Variants in SBF2 observed in about 807,000 individuals in gnomAD.
The protein encoded by SBF2 is myotubularin-related protein 13.
A neutral mutation model predicts 225.2 loss-of-function variants in SBF2; 112 were observed. The ratio of observed to expected loss-of-function variants is 0.50; its 90% CI spans 0.43 to 0.58. The LOEUF is 0.58. SBF2 is among the 20% of genes least tolerant of loss of function. SBF2 has a pLI of 0.00. For missense variants in SBF2, 1,996 were observed against 2,206.2 expected (o/e 0.90, Z 1.91); for synonymous variants, 763 against 773.3 (o/e 0.99, Z 0.22).
At chr11:10,132,922 T>C (rs1225430758) in intron 2 of SBF2, among the ~76,000 whole-genome samples, 2 of 148,900 alleles carry the variant, frequency 1.3e-5, no homozygotes, top group Non-Finnish European at 1.5e-5. Context: ...ACACACAGGT[T>C]CTCCAAGGCC....
intron 21 of SBF2, among the ~76,000 whole-genome samples, chr11:9,850,884 C>T (rs1856875231): frequency 6.6e-6 from 1 of 152,070 alleles, no homozygotes; most frequent in East Asian, 1.9e-4. Flanking sequence ...GCCTGTAATC[C>T]CAGCACTTTG....
At chr11:9,986,836 CTA>C (rs1165466708) in intron 13 of SBF2, among the ~76,000 whole-genome samples, 1 of 152,106 alleles carries the variant, frequency 6.6e-6, no homozygotes, top group African/African-American at 2.4e-5. Flanking sequence ...CAGCAGAATT[CTA>C]TCAGACATTC....
intron 2 of SBF2, among the ~76,000 whole-genome samples, chr11:10,098,116 A>C (rs1369696999): frequency 6.6e-6 from 1 of 151,870 alleles, no homozygotes; most frequent in Non-Finnish European, 1.5e-5. Flanking sequence ...CATACCATGC[A>C]CCCCTCTCTC....
chr11:9,921,388 A>G (rs550958579), intron 16 of SBF2, among the ~76,000 whole-genome samples: 9 of 152,218 alleles, frequency 5.9e-5, no homozygotes, highest in Admixed American at 2.6e-4. Flanking sequence ...TTAAATATAC[A>G]AATTCCTGGG....
intron 2 of SBF2, among the ~76,000 whole-genome samples, chr11:10,160,433 G>A (rs957706205): frequency 3.9e-5 from 6 of 152,076 alleles, no homozygotes; most frequent in Non-Finnish European, 8.8e-5. Flanking sequence ...AAAAAGATCT[G>A]GCCAGAGAAG....
At chr11:9,957,489 TTG>T (rs1478293582) in intron 16 of SBF2, 1 of 152,224 alleles carries the variant, frequency 6.6e-6, no homozygotes, top group African/African-American at 2.4e-5. Context: ...AGACAGATTC[TTG>T]CTCTGTCGCC....
At chr11:9,823,516 A>AG (rs1564885208) in intron 28 of SBF2, among the ~76,000 whole-genome samples, 1 of 151,978 alleles carries the variant, frequency 6.6e-6, no homozygotes, top group African/African-American at 2.4e-5. Context: ...AAAAAAAAAA[A>AG]AAGAAGAAGA....
At chr11:10,062,346 T>TA (rs1950481426) in intron 2 of SBF2, among the ~76,000 whole-genome samples, 1 of 152,174 alleles carries the variant, frequency 6.6e-6, no homozygotes, top group Non-Finnish European at 1.5e-5. Context: ...AAATGGGGTC[T>TA]AATTTAACTT....
Position 10,029,747 on chromosome 11 carries a change from T to A in SBF2, c.513+18A>T, listed in dbSNP as rs201201683. On this transcript the variant is annotated intron_variant, in intron 5 of 39. Transcript: ENST00000256190. ...AAGAGGAACAATCCTTCTCCACCTC[T>A]CTTTCTATTCTATTTACCTGAGACC... The A allele has an allele frequency of 3.1e-4, 455 of 1,482,400 alleles. No individual in the cohort carries two copies. The highest frequency in any genetic ancestry group is 4.1e-4 in the Non-Finnish European group (431 of 1,060,156). 91.8% of individuals were successfully genotyped at this position (1,482,400 alleles called of 1,614,324 possible).
intron 33 of SBF2, among the ~76,000 whole-genome samples, chr11:9,794,398 G>T (rs1201724430): frequency 6.6e-6 from 1 of 150,802 alleles, no homozygotes; most frequent in Non-Finnish European, 1.5e-5. Flanking sequence ...GGCCTGGCCA[G>T]GCGTGGTGGC....
In SBF2 at chr11:9,855,591, A is replaced by G. The variant is rs549936786; in HGVS notation, c.2363+867T>C. Among the ~76,000 whole-genome samples, 7 of 152,386 alleles carry G rather than the reference A, an allele frequency of 4.6e-5. No individual in the cohort carries two copies. The East Asian group carries it at 1.2e-3, about 25-fold the overall frequency. On this transcript the variant is annotated intron_variant, in intron 19 of 39. Transcript: ENST00000256190. ...CACTCATTTAATCATCTGTTCAACC[A>G]AATATTTATTGAGTACTATATGCAA...
intron 1 of SBF2, among the ~76,000 whole-genome samples, chr11:10,267,249 C>G (rs925671436): frequency 2.6e-5 from 4 of 151,854 alleles, no homozygotes; most frequent in Non-Finnish European, 5.9e-5. Context: ...GTCCAGATGG[C>G]TATACAAACC....
At chr11:10,179,485 CA>C (rs1956639667) in intron 2 of SBF2, among the ~76,000 whole-genome samples, 2 of 151,856 alleles carry the variant, frequency 1.3e-5, no homozygotes, top group African/African-American at 4.8e-5. Flanking sequence ...CTGAGGAGAA[CA>C]TATATTCTGT....
At chr11:9,852,280 G>A (rs1370324401) in intron 21 of SBF2, among the ~76,000 whole-genome samples, 1 of 152,046 alleles carries the variant, frequency 6.6e-6, no homozygotes, top group Non-Finnish European at 1.5e-5. Flanking sequence ...AGCTGTTTGG[G>A]ATGTATAGTC....
chr11:10,049,269 TG>T (rs1203503818), intron 2 of SBF2, among the ~76,000 whole-genome samples: 1 of 152,216 alleles, frequency 6.6e-6, no homozygotes, highest in African/African-American at 2.4e-5. Context: ...TAACATGGAA[TG>T]GGATTTTGTT....
chr11:9,795,951 T>G lies in SBF2; in HGVS notation c.4450A>C (p.Asn1484His). The G allele has an allele frequency of 6.2e-7, 1 of 1,613,238 alleles. No homozygotes were observed. The change falls in exon 33 of 40, where the codon AAC becomes CAC. Residue 1484 changes from asparagine to histidine, a missense_variant. Coordinates refer to ENST00000256190, the MANE Select transcript of SBF2 (RefSeq NM_030962.4). ...AATTCAAACTCAGTTGGATACTGGTTGTGAACCTGAAACACACAAGGCAAA... is the reference window on the plus strand; with the variant it reads ...AATTCAAACTCAGTTGGATACTGGTGGTGAACCTGAAACACACAAGGCAAA... ...QFLDCVHQVH[N>H]QYPTEFEFNL...
Position 9,789,351 on chromosome 11 carries a change from G to T in SBF2, c.4699-9C>A, listed in dbSNP as rs376668219. 54 of 1,603,090 alleles carry T rather than the reference G, an allele frequency of 3.4e-5. No homozygotes were observed. The African/African-American group carries it at 7.1e-4, about 21-fold the overall frequency. On this transcript the variant is annotated splice_polypyrimidine_tract_variant and intron_variant, in intron 34 of 39. Transcript: ENST00000256190. ...ACATTGGGCTTTAGAGCCTGTTAAA[G>T]AAAACAGAAATATAGTTTCATCTTG...
rs576505689 is a variant in SBF2, at chr11:10,184,550, A to G, written c.141+9352T>C. ...AGTACATTCACACTGTTGTGCAACT[A>G]AACTCCAAAACTCTTTCCATCTTGC... On this transcript the variant is annotated intron_variant, in intron 2 of 39. Coordinates refer to ENST00000256190, the MANE Select transcript of SBF2 (RefSeq NM_030962.4). Among the ~76,000 whole-genome samples, 6 of 152,302 alleles carry G rather than the reference A, an allele frequency of 3.9e-5. No individual in the cohort carries two copies. The South Asian group carries it at 1.2e-3, about 32-fold the overall frequency.
At chr11:10,264,494 G>A (rs1241404179) in intron 1 of SBF2, among the ~76,000 whole-genome samples, 1 of 151,974 alleles carries the variant, frequency 6.6e-6, no homozygotes, top group Non-Finnish European at 1.5e-5. Context: ...TTTACCAAGG[G>A]TCTTCCATGT....
Sources: gnomAD v4.1 joint callset for allele counts (sites outside exome capture counted in the v4.1 genomes callset) on GRCh38, gnomAD v4.1.1 for gene constraint, MANE v1.5 for transcripts, NCBI Gene and HGNC (gene_info 2026-07-23, HGNC 2026-07-21) for gene names.